SLC2A13: variants seen among roughly 807,000 people sequenced by gnomAD.
SLC2A13 encodes proton myo-inositol cotransporter.
In SLC2A13, 32 loss-of-function variants were observed where a neutral mutation model predicts 64.4. That is an observed-to-expected ratio of 0.50 (90% CI 0.37 to 0.67). The LOEUF is 0.67. Ranked by LOEUF, SLC2A13 falls within the 30% of genes least tolerant of loss-of-function variation. The pLI is 0.00. For missense variants in SLC2A13, 743 were observed against 829.2 expected (o/e 0.90, Z 1.28); for synonymous variants, 338 against 327.1 (o/e 1.03, Z -0.36).
At chr12:40,029,852 A>C (rs1242136997) in intron 2 of SLC2A13, among the ~76,000 whole-genome samples, 4 of 152,192 alleles carry the variant, frequency 2.6e-5, no homozygotes, top group Admixed American at 2.0e-4. Context: ...TAGGCCATGG[A>C]TTGTGATAAT....
At chr12:39,927,454 A>C (rs1945748996) in intron 4 of SLC2A13, among the ~76,000 whole-genome samples, 1 of 152,180 alleles carries the variant, frequency 6.6e-6, no homozygotes, top group African/African-American at 2.4e-5. Flanking sequence ...TTAAAATATA[A>C]AATACTAAAT....
At chr12:39,763,431 T>A (rs1940236640) in intron 9 of SLC2A13, among the ~76,000 whole-genome samples, 1 of 152,226 alleles carries the variant, frequency 6.6e-6, no homozygotes, top group East Asian at 1.9e-4. Flanking sequence ...TATCCATGTA[T>A]TTATTCATTT....
At chr12:40,016,233 C>A (rs1172277851) in intron 3 of SLC2A13, among the ~76,000 whole-genome samples, 1 of 152,138 alleles carries the variant, frequency 6.6e-6, no homozygotes, top group Non-Finnish European at 1.5e-5. Flanking sequence ...TGAATATCCA[C>A]AGGACCATTA....
At chr12:39,795,092 A>G (rs748135939) in intron 7 of SLC2A13, among the ~76,000 whole-genome samples, 1 of 152,164 alleles carries the variant, frequency 6.6e-6, no homozygotes, top group Non-Finnish European at 1.5e-5. Context: ...GTTATCATAC[A>G]TTTAAATATT....
At chr12:40,076,484 T>C (rs915297314) in intron 1 of SLC2A13, among the ~76,000 whole-genome samples, 28 of 152,170 alleles carry the variant, frequency 1.8e-4, no homozygotes, top group African/African-American at 6.3e-4. Context: ...GGAAAGGACA[T>C]GATCTGATTT....
intron 3 of SLC2A13, among the ~76,000 whole-genome samples, chr12:39,978,481 C>T (rs1369199171): frequency 1.3e-5 from 2 of 152,142 alleles, no homozygotes; most frequent in Admixed American, 6.5e-5. Flanking sequence ...GTGCGCGAGC[C>T]GAAGCAGGGC....
chr12:39,859,316 G>T (rs1592213263), intron 6 of SLC2A13, among the ~76,000 whole-genome samples: 2 of 94,322 alleles, frequency 2.1e-5, no homozygotes, highest in South Asian at 4.3e-4. Context: ...AAAGCTGGCA[G>T]TTTTTTTTTT....
intron 4 of SLC2A13, among the ~76,000 whole-genome samples, chr12:39,937,913 A>G (rs2136081377): frequency 6.6e-6 from 1 of 152,304 alleles, no homozygotes; most frequent in East Asian, 1.9e-4. Flanking sequence ...ATTGAAGTGA[A>G]GGGCACTACT....
chr12:40,106,059 C>T lies in SLC2A13; in HGVS notation c.-251G>A, dbSNP rs890218533. The T allele has an allele frequency of 8.4e-6, 3 of 355,968 alleles. No individual in the cohort carries two copies. The highest frequency in any genetic ancestry group is 4.3e-5 in the African/African-American group (2 of 46,980). The allele number at this position is 355,968 out of a possible 1,614,324, so 22.1% of individuals were successfully genotyped here. A position where few individuals can be genotyped will look rare whatever the true frequency, so the allele number is the denominator to read the frequency against. On this transcript the variant is annotated 5_prime_UTR_variant, in exon 1 of 10. Coordinates refer to ENST00000280871, the MANE Select transcript of SLC2A13 (RefSeq NM_052885.4). ...CTCCACACTCACGCCCCGCGCCTGC[C>T]GAGCTGGCGCTGCGGAGCGGGCGGG...
At chr12:39,760,973 C>CACACACACACACACACACACAT (rs1283150685) in intron 9 of SLC2A13, among the ~76,000 whole-genome samples, 5 of 151,216 alleles carry the variant, frequency 3.3e-5, no homozygotes, top group African/African-American at 1.2e-4. Context: ...CACACACACA[C>CACACACACACACACACACACAT]ATAATTGAAT....
intron 7 of SLC2A13, among the ~76,000 whole-genome samples, chr12:39,773,709 C>G (rs1278669458): frequency 6.6e-6 from 1 of 152,134 alleles, no homozygotes; most frequent in African/African-American, 2.4e-5. Context: ...TTTGACTGCT[C>G]CAGGCTTATA....
intron 6 of SLC2A13, chr12:39,830,461 G>A: frequency 8.1e-7 from 1 of 1,233,434 alleles, no homozygotes; most frequent in Admixed American, 3.6e-5. Flanking sequence ...TTGAGCTGAA[G>A]GAGGCTTGGA....
chr12:39,787,781 C>G (rs929753950), intron 7 of SLC2A13, among the ~76,000 whole-genome samples: 12 of 152,138 alleles, frequency 7.9e-5, no homozygotes, highest in African/African-American at 2.4e-4. Context: ...ATGGAAACAG[C>G]TGGGAGACCT....
chr12:39,921,840 T>C (rs1945619532), intron 4 of SLC2A13, among the ~76,000 whole-genome samples: 1 of 152,162 alleles, frequency 6.6e-6, no homozygotes, highest in African/African-American at 2.4e-5. Context: ...GTCAACCTAA[T>C]GTTGAAATCA....
chr12:39,924,635 G>C (rs1945683197), intron 4 of SLC2A13, among the ~76,000 whole-genome samples: 1 of 151,842 alleles, frequency 6.6e-6, no homozygotes, highest in African/African-American at 2.4e-5. Context: ...CGTTAGTATA[G>C]AAGTATTTGC....
intron 7 of SLC2A13, among the ~76,000 whole-genome samples, chr12:39,771,777 T>C (rs954121036): frequency 3.3e-5 from 5 of 152,074 alleles, no homozygotes; most frequent in Non-Finnish European, 7.4e-5. Flanking sequence ...AAAACCTCCA[T>C]CCTCCTTATT....
chr12:39,995,190 G>A (rs1268274663), intron 3 of SLC2A13, among the ~76,000 whole-genome samples: 5 of 152,120 alleles, frequency 3.3e-5, no homozygotes, highest in East Asian at 1.9e-4. Context: ...TTATGGGTAC[G>A]TGTAGTATTC....
intron 3 of SLC2A13, among the ~76,000 whole-genome samples, chr12:40,000,771 T>C (rs1427067733): frequency 6.6e-6 from 1 of 152,248 alleles, no homozygotes; most frequent in African/African-American, 2.4e-5. Flanking sequence ...TGACCTCATT[T>C]AACCTTAATC....
At chr12:39,960,364 T>C (rs555749255) in intron 3 of SLC2A13, among the ~76,000 whole-genome samples, 1 of 152,304 alleles carries the variant, frequency 6.6e-6, no homozygotes, top group Non-Finnish European at 1.5e-5. Context: ...GACAGCTTTA[T>C]TTATTCCTTT....
Sources: allele counts gnomAD v4.1 joint callset (sites outside exome capture counted in the v4.1 genomes callset), GRCh38; gene constraint gnomAD v4.1.1; transcripts MANE v1.5; gene names NCBI Gene and HGNC (gene_info 2026-07-23, HGNC 2026-07-21).